ACYP2: variants seen among roughly 807,000 people sequenced by gnomAD.
ACYP2 encodes the protein acylphosphatase-2.
A neutral mutation model predicts 11.2 loss-of-function variants in ACYP2; 12 were observed. The observed-to-expected ratio is 1.08, with a 90% CI of 0.69 to 1.74. ACYP2 has a LOEUF of 1.74. Ranked by LOEUF, ACYP2 falls within the 40% of genes most tolerant of loss-of-function variation. The pLI is 0.00. For synonymous variants in ACYP2, 43 were observed against 32.2 expected (o/e 1.33, Z -1.13); for missense variants, 134 against 101.9 (o/e 1.31, Z -1.35).
At chr2:54,058,074 G>C (rs1443856148) in intron 4 of ACYP2, among the ~76,000 whole-genome samples, 1 of 152,064 alleles carries the variant, frequency 6.6e-6, no homozygotes, top group Admixed American at 6.6e-5. Context: ...GGTCCCTGAG[G>C]GAGGTAGGGC....
At chr2:54,036,537 G>T (rs899121916) in intron 2 of ACYP2, among the ~76,000 whole-genome samples, 1 of 152,186 alleles carries the variant, frequency 6.6e-6, no homozygotes, top group Non-Finnish European at 1.5e-5. Flanking sequence ...GCAGGATTCA[G>T]ATTATGATTT....
chr2:54,262,955 C>T (rs1300592818), intron 6 of ACYP2, among the ~76,000 whole-genome samples: 2 of 152,118 alleles, frequency 1.3e-5, no homozygotes, highest in South Asian at 4.1e-4. Flanking sequence ...TGTAGTGGCT[C>T]ATGCCTGTGA....
chr2:54,126,824 T>A (rs1680538028), intron 4 of ACYP2, among the ~76,000 whole-genome samples: 1 of 151,730 alleles, frequency 6.6e-6, no homozygotes, highest in African/African-American at 2.4e-5. Context: ...GTGGTGTGCA[T>A]GTGCCTGTAA....
At chr2:53,991,641 G>C (rs909724443) in intron 2 of ACYP2, among the ~76,000 whole-genome samples, 1 of 152,032 alleles carries the variant, frequency 6.6e-6, no homozygotes, top group African/African-American at 2.4e-5. Context: ...CCGACCTCAG[G>C]TGATCCACCT....
intron 6 of ACYP2, among the ~76,000 whole-genome samples, chr2:54,192,376 C>T (rs1398477224): frequency 3.9e-5 from 6 of 152,182 alleles, no homozygotes; most frequent in Middle Eastern, 3.4e-3. Context: ...TTACACAGTA[C>T]TTATTTTTAA....
At chr2:54,004,474 G>A (rs935445447) in intron 2 of ACYP2, among the ~76,000 whole-genome samples, 4 of 136,642 alleles carry the variant, frequency 2.9e-5, no homozygotes, top group African/African-American at 5.7e-5. Flanking sequence ...GCAGTGGCAC[G>A]ATCTTGGCTC....
intron 4 of ACYP2, among the ~76,000 whole-genome samples, chr2:54,131,092 C>A (rs1388095569): frequency 6.6e-6 from 1 of 152,220 alleles, no homozygotes; most frequent in Admixed American, 6.5e-5. Flanking sequence ...CTGTGTCTTA[C>A]TCATCTCATT....
chr2:54,303,735 A>T (rs760294209), intron 6 of ACYP2, among the ~76,000 whole-genome samples: 2 of 152,256 alleles, frequency 1.3e-5, no homozygotes, highest in African/African-American at 2.4e-5. Context: ...CATACTGCAT[A>T]GCTGTCTACA....
At chr2:54,197,911 TTTA>T (rs758044921) in intron 6 of ACYP2, among the ~76,000 whole-genome samples, 2 of 112,794 alleles carry the variant, frequency 1.8e-5, no homozygotes, top group Non-Finnish European at 2.0e-5. Flanking sequence ...TTTATTTTAT[TTTA>T]TTATTTTATT....
intron 2 of ACYP2, among the ~76,000 whole-genome samples, chr2:54,022,799 C>T (rs968095118): frequency 6.6e-6 from 1 of 152,204 alleles, no homozygotes; most frequent in Non-Finnish European, 1.5e-5. Flanking sequence ...CTCCATTCCC[C>T]TTGTCTCTGA....
chr2:53,991,228 A>G (rs981949083), intron 2 of ACYP2, among the ~76,000 whole-genome samples: 2 of 152,358 alleles, frequency 1.3e-5, no homozygotes, highest in Admixed American at 1.3e-4. Context: ...TTCTATGAAC[A>G]TACCATAGTT....
Position 53,985,743 on chromosome 2 carries a change from G to A in ACYP2, c.62+11933G>A, listed in dbSNP as rs1252545674. 4.6e-5 allele frequency among the ~76,000 whole-genome samples: 7 copies of A among 152,152 alleles called. No individual in the cohort carries two copies. The East Asian group carries it at 1.3e-3, about 29-fold the overall frequency. On this transcript the variant is annotated intron_variant, in intron 2 of 6. Coordinates refer to ENST00000607452, the MANE Select transcript of ACYP2 (RefSeq NM_001320586.2). ...TGGAAGGTGTTTGGGTCATGGGGGA[G>A]GATCCCTCATGAATGGCTTGATGAT...
intron 2 of ACYP2, among the ~76,000 whole-genome samples, chr2:54,014,831 C>T (rs905901041): frequency 6.6e-6 from 1 of 151,956 alleles, no homozygotes; most frequent in Non-Finnish European, 1.5e-5. Context: ...GCAATCATGG[C>T]TTACAGCAAT....
At chr2:54,166,466 A>G (rs187984582) in intron 6 of ACYP2, among the ~76,000 whole-genome samples, 2 of 152,306 alleles carry the variant, frequency 1.3e-5, no homozygotes, top group Admixed American at 6.5e-5. Context: ...GACTGAATAA[A>G]GGATTTTAAC....
intron 2 of ACYP2, among the ~76,000 whole-genome samples, chr2:53,999,662 G>T (rs1015604003): frequency 5.3e-5 from 8 of 152,030 alleles, no homozygotes; most frequent in African/African-American, 1.9e-4. Context: ...CTTAATTAAA[G>T]AAACTTCAAA....
At chr2:54,112,484 G>T (rs907783627) in intron 4 of ACYP2, among the ~76,000 whole-genome samples, 6 of 152,164 alleles carry the variant, frequency 3.9e-5, no homozygotes, top group African/African-American at 1.4e-4. Context: ...TTATACCCTT[G>T]ATTTGATATT....
chr2:54,269,524 T>G (rs1688186267), intron 6 of ACYP2, among the ~76,000 whole-genome samples: 1 of 152,198 alleles, frequency 6.6e-6, no homozygotes, highest in African/African-American at 2.4e-5. Context: ...CATCATCACA[T>G]ATGGTTGGTG....
chr2:54,018,225 G>A (rs568069853), intron 2 of ACYP2, among the ~76,000 whole-genome samples: 1 of 152,302 alleles, frequency 6.6e-6, no homozygotes, highest in South Asian at 2.1e-4. Flanking sequence ...GTTTCACTGA[G>A]CCCCTCCCCC....
chr2:54,302,934 G>A (rs1238368362), intron 6 of ACYP2, among the ~76,000 whole-genome samples: 1 of 152,208 alleles, frequency 6.6e-6, no homozygotes, highest in Non-Finnish European at 1.5e-5. Flanking sequence ...CCCTGTGCAA[G>A]TTACTATCTC....
Sources: allele counts gnomAD v4.1 joint callset (sites outside exome capture counted in the v4.1 genomes callset), GRCh38; gene constraint gnomAD v4.1.1; transcripts MANE v1.5; gene names NCBI Gene and HGNC (gene_info 2026-07-23, HGNC 2026-07-21).